The following INPP5D variants were observed in gnomAD, a reference collection of about 807,000 sequenced individuals.
The protein encoded by INPP5D is inositol polyphosphate-5-phosphatase D.
A neutral mutation model predicts 122.9 loss-of-function variants in INPP5D; 33 were observed. The observed-to-expected ratio is 0.27, with a 90% CI of 0.20 to 0.36. INPP5D has a LOEUF of 0.36. Ranked by LOEUF, INPP5D falls within the 10% of genes least tolerant of loss-of-function variation. The pLI is 1.00. For synonymous variants in INPP5D, 584 were observed against 576.2 expected (o/e 1.01, Z -0.19); for missense variants, 1,053 against 1,412.7 (o/e 0.75, Z 4.08).
intron 2 of INPP5D, among the ~76,000 whole-genome samples, chr2:233,109,110 T>G (rs945676499): frequency 2.6e-5 from 4 of 152,226 alleles, no homozygotes; most frequent in African/African-American, 9.6e-5. Context: ...CTCCCTCTCC[T>G]GGTCACAAAA....
chr2:233,169,538 C>T (rs1694435283), intron 14 of INPP5D, 137 bp downstream of exon 14: 1 of 1,346,886 alleles, frequency 7.4e-7, no homozygotes, highest in African/African-American at 1.5e-5. Context: ...TCAGGGCCCA[C>T]CACAGTCTCA....
intron 6 of INPP5D, among the ~76,000 whole-genome samples, chr2:233,144,211 G>C (rs1693688379): frequency 1.3e-5 from 2 of 151,072 alleles, no homozygotes. Context: ...TGGTAGGGGT[G>C]GAGGTGGTGG....
intron 2 of INPP5D, among the ~76,000 whole-genome samples, chr2:233,118,235 C>A (rs1204646581): frequency 6.6e-6 from 1 of 152,154 alleles, no homozygotes; most frequent in Non-Finnish European, 1.5e-5. Flanking sequence ...ACAGACTCCT[C>A]CCCCTACCGG....
At chr2:233,072,163 G>T (rs1467626041) in intron 1 of INPP5D, among the ~76,000 whole-genome samples, 2 of 152,104 alleles carry the variant, frequency 1.3e-5, no homozygotes, top group Admixed American at 1.3e-4. Context: ...CTTGATAAAA[G>T]GTAATTGTTG....
At chr2:233,075,579 T>C (rs1691498480) in intron 1 of INPP5D, among the ~76,000 whole-genome samples, 1 of 151,928 alleles carries the variant, frequency 6.6e-6, no homozygotes, top group Non-Finnish European at 1.5e-5. Context: ...TGTATGCATA[T>C]GTTGTGTGTG....
rs144243823 is a variant in INPP5D at position 233,186,684 on chromosome 2, C to CTTTTTTTTTTTTTTTTTTTT, written c.2358+796_2358+815dup. ...CTTGTTTTTTTTTCTTTTTCTCTTT[C>CTTTTTTTTTTTTTTTTTTTT]TTTTTTTTTTTTTTTTTTTTTTTTT... On this transcript the variant is annotated intron_variant, in intron 21 of 26. Transcript: ENST00000445964. Among the ~76,000 whole-genome samples, 12 of 44,530 alleles carry CTTTTTTTTTTTTTTTTTTTT rather than the reference C, an allele frequency of 2.7e-4. 2 individuals carry two copies. Among genetic ancestry groups the CTTTTTTTTTTTTTTTTTTTT allele is most frequent in the Non-Finnish European group, 3.9e-4 (9 of 23,228 alleles). 29.2% of individuals were successfully genotyped at this position (44,530 alleles called of 152,430 possible).
chr2:233,190,736 C>T (rs1002647077), intron 22 of INPP5D, among the ~76,000 whole-genome samples: 1 of 152,170 alleles, frequency 6.6e-6, no homozygotes, highest in African/African-American at 2.4e-5. Flanking sequence ...GTGGCTAGAC[C>T]ATGGGGTGAG....
Position 233,105,847 on chromosome 2 carries a change from T to C in INPP5D, c.199-16260T>C, listed in dbSNP as rs115594628. Among the ~76,000 whole-genome samples, 213 of 151,930 alleles carry C rather than the reference T, an allele frequency of 1.4e-3. No homozygotes were observed. Among genetic ancestry groups the C allele is most frequent in the African/African-American group, 4.9e-3 (203 of 41,436 alleles). On this transcript the variant is annotated intron_variant, in intron 2 of 26. Coordinates refer to ENST00000445964, the MANE Select transcript of INPP5D (RefSeq NM_001017915.3). The surrounding 1 kb of genome is among the most constrained non-coding windows in gnomAD (Gnocchi z 4.0). ...GGGGCCACAGTGGGGTTCTGGCTTG[T>C]TGGAGAGATGGTGGGGTCCAAAGAG...
rs545007491 is a variant in INPP5D, at chr2:233,179,473, C to T, written c.2071+2127C>T. Among the ~76,000 whole-genome samples, 62 of 152,368 alleles carry T rather than the reference C, an allele frequency of 4.1e-4. No individual in the cohort carries two copies. In the South Asian group the frequency reaches 0.013, roughly 32 times the overall value. ...TTGCACCTAAACTTGGCATTCAAAA[C>T]TGCTCGACAGTGGAGGCTTTAGAGA... On this transcript the variant is annotated intron_variant, in intron 18 of 26. Transcript: ENST00000445964.
At chr2:233,067,303 T>C (rs888584085) in intron 1 of INPP5D, among the ~76,000 whole-genome samples, 5 of 152,244 alleles carry the variant, frequency 3.3e-5, no homozygotes, top group African/African-American at 7.2e-5. Flanking sequence ...ACATACAACA[T>C]GTGGACTTTG....
chr2:233,131,374 C>T (rs1693320745), intron 5 of INPP5D, among the ~76,000 whole-genome samples: 1 of 152,064 alleles, frequency 6.6e-6, no homozygotes, highest in African/African-American at 2.4e-5. Context: ...CTGAACAAAG[C>T]CACAGGGAGC....
At chr2:233,111,366 G>GCA (rs373265948) in intron 2 of INPP5D, among the ~76,000 whole-genome samples, 1 of 150,726 alleles carries the variant, frequency 6.6e-6, no homozygotes, top group African/African-American at 2.5e-5. Context: ...ACACACACAC[G>GCA]CACACACACA....
intron 9 of INPP5D, among the ~76,000 whole-genome samples, chr2:233,155,783 C>A (rs558315686): frequency 6.6e-6 from 1 of 152,242 alleles, no homozygotes; most frequent in South Asian, 2.1e-4. Context: ...ATAACACTTG[C>A]CTCCATGTTG....
chr2:233,129,050 C>T (rs922391358), intron 4 of INPP5D, among the ~76,000 whole-genome samples: 2 of 152,020 alleles, frequency 1.3e-5, no homozygotes, highest in African/African-American at 4.8e-5. Context: ...CCTGTGGTGT[C>T]AGCTACCCAG....
chr2:233,158,246 T>C, intron 9 of INPP5D, 67 bp from the exon 10 acceptor site: 1 of 651,316 alleles, frequency 1.5e-6, no homozygotes, highest in Admixed American at 2.3e-5. Flanking sequence ...GCCTGGAACA[T>C]AATGGAGACC....
intron 2 of INPP5D, among the ~76,000 whole-genome samples, chr2:233,094,874 A>G (rs149636105): frequency 6.8e-4 from 103 of 152,318 alleles, no homozygotes; most frequent in African/African-American, 2.3e-3. Flanking sequence ...GCCAATGTCT[A>G]TCAACATCCG....
chr2:233,205,815 A>G (rs1695482860), intron 26 of INPP5D, among the ~76,000 whole-genome samples: 1 of 152,110 alleles, frequency 6.6e-6, no homozygotes. Flanking sequence ...GTGGTGGCTC[A>G]TGACTGTAAT....
At chr2:233,136,472 G>A (rs796471438) in intron 5 of INPP5D, among the ~76,000 whole-genome samples, 23 of 78,702 alleles carry the variant, frequency 2.9e-4, no homozygotes, top group African/African-American at 4.4e-4. Flanking sequence ...GAGCGAGACC[G>A]CGTTTAAAAA....
intron 6 of INPP5D, among the ~76,000 whole-genome samples, chr2:233,143,377 T>C (rs1693669938): frequency 6.6e-6 from 1 of 152,178 alleles, no homozygotes; most frequent in African/African-American, 2.4e-5. Flanking sequence ...TGCAATTGCA[T>C]TGGTGACTGC....
Sources: allele counts gnomAD v4.1 joint callset (sites outside exome capture counted in the v4.1 genomes callset), GRCh38; gene constraint gnomAD v4.1.1; non-coding constraint Gnocchi (gnomAD v3.1); transcripts MANE v1.5; gene names NCBI Gene and HGNC (gene_info 2026-07-23, HGNC 2026-07-21).